SP140: variants seen among roughly 807,000 people sequenced by gnomAD.
SP140 encodes the protein nuclear body protein SP140.
SP140 carries 81 observed loss-of-function variants against 125.0 expected under a neutral mutation model. That is an observed-to-expected ratio of 0.65 (90% CI 0.54 to 0.78). The LOEUF (loss-of-function observed/expected upper bound fraction) is 0.78. Ranked by LOEUF, SP140 falls within the 30% of genes least tolerant of loss-of-function variation. The pLI, the probability that SP140 is intolerant of heterozygous loss-of-function variation, is 0.00. For missense variants in SP140, 858 were observed against 1,037.0 expected, an observed-to-expected ratio of 0.83 and a Z score of 2.37; for synonymous variants, 312 against 354.0, an observed-to-expected ratio of 0.88 and a Z score of 1.33.
intron 21 of SP140, among the ~76,000 whole-genome samples, chr2:230,296,115 C>T (rs765477230): frequency 6.6e-6 from 1 of 152,064 alleles, no homozygotes; most frequent in Non-Finnish European, 1.5e-5. Flanking sequence ...GTGGTGTACA[C>T]CTGTAGTCCC....
At chr2:230,285,159 T>G (rs574349573) in intron 16 of SP140, among the ~76,000 whole-genome samples, 2 of 152,348 alleles carry the variant, frequency 1.3e-5, no homozygotes, top group Non-Finnish European at 2.9e-5. Flanking sequence ...CATTTTATTT[T>G]CTGAATTTCC....
chr2:230,202,347 G>T (rs1003950599), upstream of SP140, among the ~76,000 whole-genome samples: 7 of 152,164 alleles, frequency 4.6e-5, no homozygotes, highest in African/African-American at 1.7e-4. Flanking sequence ...AAATTTGAGA[G>T]CTGCTGCCCC....
In SP140 at chr2:230,284,378, A is replaced by G; in HGVS notation, c.1531A>G (p.Arg511Gly). The change falls in exon 16 of 27, where the codon AGA becomes GGA. Residue 511 changes from arginine (R) to glycine (G), a missense_variant. By Grantham distance (125) the Arg-to-Gly change is moderately radical. This residue lies in a region of SP140 where 791 missense variants were observed against 869.5 expected (regional missense o/e 0.91). Transcript: ENST00000392045. ...KKRGHGWSRM[R>G]MRRQENSQQN... is the part of the protein sequence containing the mutation. The stretch of plus-strand genomic sequence containing the variant: ...GAGGGGGCATGGCTGGAGCAGAATG[A>G]GAATGAGAAGGCAGGAAAACAGCCA... 6.2e-7 allele frequency: 1 copy of G among 1,608,946 alleles called. No homozygotes were observed.
chr2:230,226,876 A>G (rs1294637387), intron 1 of SP140, among the ~76,000 whole-genome samples: 4 of 152,178 alleles, frequency 2.6e-5, no homozygotes, highest in Non-Finnish European at 5.9e-5. Context: ...CTAAAAATTA[A>G]AAACATAAAT....
chr2:230,243,456 T>A (rs73998782), intron 4 of SP140, among the ~76,000 whole-genome samples: 5,231 of 151,332 alleles, frequency 0.035, 282 homozygotes, highest in African/African-American at 0.12. Flanking sequence ...GAGGCAGAGA[T>A]TGAGGAAATG....
At chr2:230,219,457 A>G in intron 3 of SP140, 1 of 152,226 alleles carries the variant, frequency 6.6e-6, no homozygotes, top group Non-Finnish European at 1.5e-5. Context: ...CAAGGAAATA[A>G]TCATGTATTT....
upstream of SP140, among the ~76,000 whole-genome samples, chr2:230,221,489 C>A (rs1262150897): frequency 6.6e-6 from 1 of 152,046 alleles, no homozygotes; most frequent in African/African-American, 2.4e-5. Flanking sequence ...GCATATCCCA[C>A]CCTAGTATGT....
the SP140 span, among the ~76,000 whole-genome samples, chr2:230,193,013 T>A: frequency 6.6e-6 from 1 of 152,324 alleles, no homozygotes; most frequent in South Asian, 2.1e-4. Context: ...GTAGTAAATG[T>A]CTTATGAATC....
At chr2:230,202,888 T>C, upstream of SP140, 1 of 705,274 alleles carries the variant, frequency 1.4e-6, no homozygotes, top group South Asian at 1.6e-5. Context: ...TCTATAATTA[T>C]ATCCTTCTTC....
chr2:230,250,118 G>C (rs1033459151), intron 9 of SP140, among the ~76,000 whole-genome samples: 1 of 152,198 alleles, frequency 6.6e-6, no homozygotes, highest in African/African-American at 2.4e-5. Context: ...CCTTTCTCCA[G>C]GGTTTACTCT....
chr2:230,210,043 G>C (rs41309102), intron 1 of SP140: 72 of 1,306,336 alleles, frequency 5.5e-5, no homozygotes, highest in Non-Finnish European at 6.6e-5. Context: ...TCAGAGCTCA[G>C]ATCCAGTGAA....
intron 20 of SP140, among the ~76,000 whole-genome samples, chr2:230,293,509 G>T (rs184658656): frequency 6.6e-6 from 1 of 151,990 alleles, no homozygotes; most frequent in East Asian, 1.9e-4. Context: ...GCTAATTTTT[G>T]TATTTTTAGT....
chr2:230,251,873 A>G (rs902770795), intron 10 of SP140, among the ~76,000 whole-genome samples: 16 of 152,090 alleles, frequency 1.1e-4, no homozygotes, highest in Admixed American at 1.0e-3. Context: ...AGAAACACAG[A>G]CGTACATGTG....
chr2:230,277,407 C>T (rs2054878777), intron 15 of SP140, among the ~76,000 whole-genome samples: 1 of 152,122 alleles, frequency 6.6e-6, no homozygotes, highest in Admixed American at 6.6e-5. Context: ...AGACACAATG[C>T]TATTGCACAC....
At chr2:230,268,339 C>A (rs2053431869) in intron 12 of SP140, among the ~76,000 whole-genome samples, 2 of 151,990 alleles carry the variant, frequency 1.3e-5, no homozygotes, top group South Asian at 4.2e-4. Context: ...GCCTGGCCAA[C>A]ATGGAGAAAT....
At chr2:230,241,061 G>T (rs1334666843) in intron 3 of SP140, among the ~76,000 whole-genome samples, 1 of 152,166 alleles carries the variant, frequency 6.6e-6, no homozygotes, top group Non-Finnish European at 1.5e-5. Context: ...AGTACATACT[G>T]CATGATCCTA....
intron 18 of SP140, among the ~76,000 whole-genome samples, chr2:230,289,035 ATCG>A (rs1444046731): frequency 6.6e-6 from 1 of 152,216 alleles, no homozygotes; most frequent in Non-Finnish European, 1.5e-5. Context: ...TCCTTGAGGA[ATCG>A]CCACACTGTC....
chr2:230,291,151 T>C (rs2057064843), intron 19 of SP140, among the ~76,000 whole-genome samples: 1 of 152,244 alleles, frequency 6.6e-6, no homozygotes, highest in Non-Finnish European at 1.5e-5. Flanking sequence ...GTTTTTACTG[T>C]AAATTATAAA....
intron 9 of SP140, among the ~76,000 whole-genome samples, chr2:230,249,537 G>A (rs980680490): frequency 6.6e-6 from 1 of 152,100 alleles, no homozygotes. Flanking sequence ...CATTTTACCA[G>A]CATCTAGGAG....
Sources: gnomAD v4.1 joint callset for allele counts (sites outside exome capture counted in the v4.1 genomes callset) on GRCh38, gnomAD v4.1.1 for gene constraint, gnomAD v4.1.1 regional missense constraint, MANE v1.5 for transcripts, NCBI Gene and HGNC (gene_info 2026-07-23, HGNC 2026-07-21) for gene names.